EPB41: variants seen among roughly 807,000 people sequenced by gnomAD.
EPB41 encodes protein 4.1.
Under a neutral mutation model 108.0 loss-of-function variants are expected in EPB41, and 65 were observed. The observed-to-expected ratio is 0.60, with a 90% CI of 0.49 to 0.74. The LOEUF is 0.74. Ranked by LOEUF, EPB41 falls within the 30% of genes least tolerant of loss-of-function variation. EPB41 has a pLI of 0.00. For missense variants in EPB41, 875 were observed against 1,037.0 expected (o/e 0.84, Z 2.15); for synonymous variants, 336 against 358.9 (o/e 0.94, Z 0.72).
At chr1:29,026,006 G>A (rs1359722357) in intron 7 of EPB41, among the ~76,000 whole-genome samples, 1 of 152,156 alleles carries the variant, frequency 6.6e-6, no homozygotes, top group Non-Finnish European at 1.5e-5. Flanking sequence ...CATACAGGGT[G>A]GTGCTTGATG....
intron 1 of EPB41, among the ~76,000 whole-genome samples, chr1:28,900,597 A>C (rs2091181942): frequency 6.6e-6 from 1 of 151,814 alleles, no homozygotes; most frequent in Non-Finnish European, 1.5e-5. Context: ...TGGATCATTT[A>C]CTTCTCTTCT....
In EPB41 at chr1:29,115,743, C is replaced by T. The variant is rs1487089589; in HGVS notation, c.2541C>T (p.Asp847=). The T allele has an allele frequency of 6.2e-7, 1 of 1,614,038 alleles. No individual in the cohort carries two copies. Among genetic ancestry groups the T allele is most frequent in the Non-Finnish European group, 8.5e-7 (1 of 1,180,030 alleles). ...AIKEAKEQHP[D]MSVTKVVVHQ... ...AGGAGGCAAAGGAGCAGCACCCAGA[C>T]ATGTCAGTGACCAAGGTGGTCGTCC... Residue 847 remains aspartate, a synonymous_variant, in exon 20 of 21, where the codon GAC becomes GAT. Coordinates refer to ENST00000343067, the MANE Select transcript of EPB41 (RefSeq NM_001376013.1). The surrounding 1 kb of genome is among the most constrained non-coding windows in gnomAD (Gnocchi z 4.4).
At chr1:28,971,180 C>CTTTTTTTTTTTTTTTTTTT in intron 1 of EPB41, among the ~76,000 whole-genome samples, 1 of 66,324 alleles carries the variant, frequency 1.5e-5, no homozygotes, top group Non-Finnish European at 2.6e-5. Context: ...TTCTTTCTTT[C>CTTTTTTTTTTTTTTTTTTT]TTTTTTTTTT....
rs770184318 is a variant in EPB41, at chr1:29,053,195, T to A, written c.1728T>A (p.Asp576Glu). 3.7e-6 allele frequency: 6 copies of A among 1,614,066 alleles called. 1 individual carries two copies. The South Asian group carries it at 6.6e-5, about 18-fold the overall frequency. ...QGQVAEGGVLDASAKKTVVPK... is the reference protein window; with the variant it reads ...QGQVAEGGVLEASAKKTVVPK... ...AGGTTGCAGAAGGTGGCGTCCTAGA[T>A]GCCTCTGCTAAAAAAACAGTGGTCC... The change falls in exon 12 of 21, where the codon GAT becomes GAA. Residue 576 changes from aspartate to glutamate, a missense_variant. This residue lies in a region of EPB41 where 519 missense variants were observed against 627.3 expected (regional missense o/e 0.83). Coordinates refer to ENST00000343067, the MANE Select transcript of EPB41 (RefSeq NM_001376013.1).
chr1:28,962,648 G>C (rs1271167865), intron 1 of EPB41, among the ~76,000 whole-genome samples: 1 of 151,864 alleles, frequency 6.6e-6, no homozygotes, highest in African/African-American at 2.4e-5. Flanking sequence ...AGAACTTTCT[G>C]TCTCTGGATT....
At chr1:28,889,787 G>C (rs16837744) in intron 1 of EPB41, 1 of 985,238 alleles carries the variant, frequency 1.0e-6, no homozygotes, top group Non-Finnish European at 1.2e-6. Context: ...GAACCAAACC[G>C]AGCTTCATTC....
chr1:29,094,281 T>C (rs1487345575), intron 16 of EPB41, among the ~76,000 whole-genome samples: 1 of 152,184 alleles, frequency 6.6e-6, no homozygotes, highest in Admixed American at 6.5e-5. Context: ...TTTTTTTTCT[T>C]TTTTTTCTTT....
intron 16 of EPB41, among the ~76,000 whole-genome samples, chr1:29,080,048 A>G (rs911963227): frequency 6.6e-6 from 1 of 152,092 alleles, no homozygotes. Flanking sequence ...CCCAATTCAC[A>G]GCTTTTTTGG....
chr1:29,017,551 G>A (rs1483425107), intron 6 of EPB41, among the ~76,000 whole-genome samples: 1 of 152,114 alleles, frequency 6.6e-6, no homozygotes, highest in East Asian at 1.9e-4. Context: ...CACACAGATG[G>A]GATTAGTCTT....
At chr1:29,091,659 T>G (rs1034809705) in intron 16 of EPB41, among the ~76,000 whole-genome samples, 2 of 152,252 alleles carry the variant, frequency 1.3e-5, no homozygotes, top group African/African-American at 4.8e-5. Flanking sequence ...AACCAAGTAT[T>G]ATTTTCATGT....
intron 4 of EPB41, among the ~76,000 whole-genome samples, chr1:29,004,047 C>A (rs1359092636): frequency 6.6e-6 from 1 of 152,184 alleles, no homozygotes; most frequent in African/African-American, 2.4e-5. Flanking sequence ...CAGGCATGAG[C>A]CACTGCGCCC....
At chr1:29,087,061 C>T (rs774898309) in intron 16 of EPB41, among the ~76,000 whole-genome samples, 3 of 149,970 alleles carry the variant, frequency 2.0e-5, no homozygotes, top group Non-Finnish European at 4.4e-5. Context: ...TCTCCTGCCT[C>T]AGCCTGAGTA....
intron 19 of EPB41, 30 bp downstream of exon 19, chr1:29,112,478 G>GA (rs1202601256): frequency 2.5e-6 from 4 of 1,590,402 alleles, no homozygotes; most frequent in Non-Finnish European, 3.5e-6. Context: ...CTGGGCCTGG[G>GA]AGGGGTCCCT....
chr1:29,092,079 C>CACCTTCTT (rs1269854078), intron 16 of EPB41, among the ~76,000 whole-genome samples: 4 of 150,242 alleles, frequency 2.7e-5, no homozygotes, highest in African/African-American at 9.7e-5. Context: ...CTCATAGGAA[C>CACCTTCTT]ACCTTCTTAC....
intron 12 of EPB41, among the ~76,000 whole-genome samples, chr1:29,057,430 CT>C (rs1645739741): frequency 6.6e-6 from 1 of 151,336 alleles, no homozygotes; most frequent in Admixed American, 6.6e-5. Flanking sequence ...TTAATTACCC[CT>C]GGTAGTTAAA....
At chr1:29,064,514 A>G (rs1206865731) in intron 15 of EPB41, among the ~76,000 whole-genome samples, 1 of 152,242 alleles carries the variant, frequency 6.6e-6, no homozygotes, top group Non-Finnish European at 1.5e-5. Context: ...CAACAAGACA[A>G]GACAGCCAAT....
At chr1:28,951,733 G>C (rs1478244253) in intron 1 of EPB41, among the ~76,000 whole-genome samples, 2 of 152,004 alleles carry the variant, frequency 1.3e-5, no homozygotes, top group South Asian at 2.1e-4. Context: ...ACACACCTGT[G>C]GTCCTAGCTA....
At chr1:29,006,713 C>T (rs1007332015) in intron 4 of EPB41, among the ~76,000 whole-genome samples, 1 of 151,866 alleles carries the variant, frequency 6.6e-6, no homozygotes, top group East Asian at 1.9e-4. Context: ...CCAGCCTGGG[C>T]GACATAGTGA....
chr1:29,020,094 A>C (rs1441979053), intron 7 of EPB41, among the ~76,000 whole-genome samples: 3 of 151,040 alleles, frequency 2.0e-5, no homozygotes, highest in Admixed American at 6.6e-5. Flanking sequence ...TTTGAGATGG[A>C]ATCTTGGTCT....
Sources: gnomAD v4.1 joint callset for allele counts (sites outside exome capture counted in the v4.1 genomes callset) on GRCh38, gnomAD v4.1.1 for gene constraint, gnomAD v4.1.1 regional missense constraint, Gnocchi (gnomAD v3.1) non-coding constraint, MANE v1.5 for transcripts, NCBI Gene and HGNC (gene_info 2026-07-23, HGNC 2026-07-21) for gene names.